Variants in IPO13 observed in about 807,000 individuals in gnomAD.
IPO13 encodes importin-13.
IPO13 carries 28 observed loss-of-function variants against 115.5 expected under a neutral mutation model. That is an observed-to-expected ratio of 0.24 (90% CI 0.18 to 0.33). The LOEUF (loss-of-function observed/expected upper bound fraction) is 0.33, where lower values mean the gene tolerates loss of function less well. Among genes scored for constraint, IPO13 ranks in the 10% least tolerant of loss-of-function variants. The pLI, the probability that IPO13 is intolerant of heterozygous loss-of-function variation, is 1.00. For missense variants in IPO13, 785 were observed against 1,204.6 expected, an observed-to-expected ratio of 0.65 and a Z score of 5.16; for synonymous variants, 414 against 478.9, an observed-to-expected ratio of 0.86 and a Z score of 1.77.
At chr1:43,960,444 A>G in intron 12 of IPO13, 115 bp downstream of exon 12, 1 of 912,582 alleles carries the variant, frequency 1.1e-6, no homozygotes. Flanking sequence ...AGGGAGGTGA[A>G]TCCTGCCCCA....
chr1:43,962,285 C>T (rs1336163677), intron 14 of IPO13, among the ~76,000 whole-genome samples: 1 of 152,206 alleles, frequency 6.6e-6, no homozygotes, highest in East Asian at 1.9e-4. Flanking sequence ...GATTCTCTCT[C>T]GGTTGGTCCA....
chr1:43,964,417 AC>A, intron 15 of IPO13, 96 bp downstream of exon 15: 1 of 1,076,082 alleles, frequency 9.3e-7, no homozygotes, highest in Non-Finnish European at 1.4e-6. Context: ...CTTTCTGTTG[AC>A]AAATTTTTTT....
chr1:43,958,443 C>T lies in IPO13; in HGVS notation c.1750-18C>T. 1 of 1,613,886 alleles carries T rather than the reference C, an allele frequency of 6.2e-7. No individual in the cohort carries two copies. On this transcript the variant is annotated intron_variant, in intron 9 of 19. Coordinates refer to ENST00000372343, the MANE Select transcript of IPO13 (RefSeq NM_014652.4). This position sits in a 1 kb window ranked among gnomAD's most constrained non-coding sequence, Gnocchi z 6.3. ...ACTAGATGTGGCCAGGACTGACCAT[C>T]CATGTTCTGCCCCACAGACAAGCCA...
Position 43,950,069 on chromosome 1 carries a change from C to T in IPO13, c.737C>T (p.Ala246Val). Reference protein sequence around the residue: ...LQDCEALIQAAFAALQDSELF... With the variant: ...LQDCEALIQAVFAALQDSELF... ...GACTGTGAGGCGCTCATTCAGGCTG[C>T]CTTTGCTGCTCTGCAGGACTCGGAG... Residue 246 changes from alanine (A) to valine (V), a missense_variant, in exon 2 of 20, where the codon GCC becomes GTC. By Grantham distance (64) the Ala-to-Val change is moderately conservative. Transcript: ENST00000372343. 2 of 1,613,860 alleles carry T rather than the reference C, an allele frequency of 1.2e-6. No individual in the cohort carries two copies. The highest frequency in any genetic ancestry group is 1.7e-6 in the Non-Finnish European group (2 of 1,179,976).
At chr1:43,955,610 T>C (rs1457530525) in intron 2 of IPO13, among the ~76,000 whole-genome samples, 1 of 152,212 alleles carries the variant, frequency 6.6e-6, no homozygotes, top group Non-Finnish European at 1.5e-5. Flanking sequence ...ATTCTCCCTG[T>C]ATGTCTCTGT....
At chr1:43,960,400 C>A in intron 12 of IPO13, 71 bp downstream of exon 12, 1 of 1,320,112 alleles carries the variant, frequency 7.6e-7, no homozygotes, top group Non-Finnish European at 1.1e-6. Context: ...GATGTTACTG[C>A]CACACTTCAG....
intron 15 of IPO13, among the ~76,000 whole-genome samples, chr1:43,965,574 A>C (rs762827956): frequency 4.0e-5 from 6 of 151,616 alleles, no homozygotes; most frequent in Non-Finnish European, 8.8e-5. Context: ...GCACAGGGGG[A>C]CTGTGGGAAG....
In IPO13 at chr1:43,949,623, G is replaced by C. The variant is rs1398856239; in HGVS notation, c.291G>C (p.Gln97His). Residue 97 changes from glutamine to histidine, a missense_variant, in exon 2 of 20, where the codon CAG becomes CAC. By Grantham distance (24) the Gln-to-His change is conservative. Around this residue, in one of 3 missense-constraint regions of IPO13, gnomAD observed 325 missense variants for 449.8 expected, o/e 0.72. Transcript: ENST00000372343. The part of the protein sequence containing the change: ...SRYWSDIPTD[Q>H]YESLKAQLFT... ...ACTGGAGTGACATCCCCACTGACCA[G>C]TATGAAAGCCTAAAGGCACAGCTCT... The C allele has an allele frequency of 6.2e-7, 1 of 1,614,238 alleles. No individual in the cohort carries two copies. Among genetic ancestry groups the C allele is most frequent in the East Asian group, 2.2e-5 (1 of 44,888 alleles).
Position 43,967,548 on chromosome 1 carries a change from G to A in IPO13, c.2796-38G>A. ...GTCAGGCAGAGAGGGGGCAGTGGTG[G>A]TGGCTGGTGCTAACCTGCTCTCCCT... On this transcript the variant is annotated intron_variant, in intron 19 of 19. Transcript: ENST00000372343. This position sits in a 1 kb window ranked among gnomAD's most constrained non-coding sequence, Gnocchi z 6.1. The A allele has an allele frequency of 1.2e-6, 2 of 1,614,116 alleles. No homozygotes were observed. The highest frequency in any genetic ancestry group is 1.7e-6 in the Non-Finnish European group (2 of 1,179,954).
chr1:43,954,992 G>A (rs900576393), intron 2 of IPO13, among the ~76,000 whole-genome samples: 1 of 152,080 alleles, frequency 6.6e-6, no homozygotes, highest in Admixed American at 6.6e-5. Flanking sequence ...ACTGTTCCCC[G>A]CTACTCACCC....
intron 2 of IPO13, chr1:43,953,267 G>C (rs1378354811): frequency 6.6e-6 from 1 of 152,224 alleles, no homozygotes; most frequent in Non-Finnish European, 1.5e-5. Context: ...CAGCAGCAGA[G>C]GAGTCCCAGC....
chr1:43,957,447 A>T lies in IPO13; in HGVS notation c.1438A>T (p.Ile480Phe). 1 of 1,614,166 alleles carries T rather than the reference A, an allele frequency of 6.2e-7. No homozygotes were observed. Among genetic ancestry groups the T allele is most frequent in the Non-Finnish European group, 8.5e-7 (1 of 1,180,014 alleles). Reference sequence around the variant, plus strand: ...CGGCTTCCAATCCATCGCAGAGACCATTGACGTCAACTATTCTGATGTGGT... The same window carrying T: ...CGGCTTCCAATCCATCGCAGAGACCTTTGACGTCAACTATTCTGATGTGGT... ...LYGFQSIAETIDVNYSDVVPG... is the reference protein window; with the variant it reads ...LYGFQSIAETFDVNYSDVVPG... The change falls in exon 7 of 20, where the codon ATT becomes TTT. Residue 480 changes from isoleucine (I) to phenylalanine (F), a missense_variant. By Grantham distance (21) the Ile-to-Phe change is conservative. This residue lies in a region of IPO13 where 175 missense variants were observed against 360.0 expected (regional missense o/e 0.49). Coordinates refer to ENST00000372343, the MANE Select transcript of IPO13 (RefSeq NM_014652.4).
chr1:43,963,795 C>T (rs1446080890), intron 14 of IPO13, among the ~76,000 whole-genome samples: 2 of 152,140 alleles, frequency 1.3e-5, no homozygotes, highest in Non-Finnish European at 2.9e-5. Flanking sequence ...TTTCTAGGGC[C>T]CTCAGATAAA....
chr1:43,947,850 G>C (rs1273153476), intron 1 of IPO13, among the ~76,000 whole-genome samples, 166 bp downstream of exon 1: 1 of 152,208 alleles, frequency 6.6e-6, no homozygotes, highest in African/African-American at 2.4e-5. Flanking sequence ...GCCCTAATGG[G>C]CTATTTTTGT....
At chr1:43,955,893 G>T (rs2085243920) in intron 2 of IPO13, among the ~76,000 whole-genome samples, 1 of 151,178 alleles carries the variant, frequency 6.6e-6, no homozygotes, top group Admixed American at 6.6e-5. Flanking sequence ...AACCTAGCTG[G>T]ATGTGGTGGC....
intron 14 of IPO13, among the ~76,000 whole-genome samples, chr1:43,963,230 G>C (rs3791118): frequency 6.6e-6 from 1 of 152,168 alleles, no homozygotes; most frequent in South Asian, 2.1e-4. Flanking sequence ...TAGGCAGATG[G>C]TTTTGTACCA....
intron 2 of IPO13, among the ~76,000 whole-genome samples, chr1:43,954,702 A>G (rs2085232534): frequency 6.6e-6 from 1 of 152,132 alleles, no homozygotes; most frequent in African/African-American, 2.4e-5. Context: ...CTTCTCCTTT[A>G]GAGATCATTG....
At position 43,967,010 on chromosome 1, in the gene IPO13, A is replaced by G. The variant is rs1224170914; in HGVS notation, c.2604A>G (p.Ala868=). 1 of 1,613,800 alleles carries G rather than the reference A, an allele frequency of 6.2e-7. No homozygotes were observed. The highest frequency in any genetic ancestry group is 8.5e-7 in the Non-Finnish European group (1 of 1,179,956). The change falls in exon 18 of 20, where the codon GCA becomes GCG. Residue 868 remains alanine, a synonymous_variant. Coordinates refer to ENST00000372343, the MANE Select transcript of IPO13 (RefSeq NM_014652.4). This position sits in a 1 kb window ranked among gnomAD's most constrained non-coding sequence, Gnocchi z 6.1. The part of the protein sequence containing the change: ...VQEDGRMLLI[A]VLEAIGGQAS... ...AAGACGGTCGTATGCTGCTCATAGC[A>G]GTGCTGGAGGTGAGACGGAGCAAAG...
In IPO13 at chr1:43,949,797, A is replaced by G. The variant is rs114449275; in HGVS notation, c.465A>G (p.Ser155=). 426 of 1,614,110 alleles carry G rather than the reference A, an allele frequency of 2.6e-4. No individual in the cohort carries two copies. The African/African-American group carries it at 5.2e-3, about 20-fold the overall frequency. ...TACGACTCTTCCAGGCTGAGGACTC[A>G]CCAGTGGATGGGCAGGGCCGCTGCC... is the stretch of plus-strand genomic sequence containing the variant. ...DMVRLFQAED[S]PVDGQGRCLA... Residue 155 remains serine (S), a synonymous_variant, in exon 2 of 20, where the codon TCA becomes TCG. Coordinates refer to ENST00000372343, the MANE Select transcript of IPO13 (RefSeq NM_014652.4).
Sources: allele counts gnomAD v4.1 joint callset (sites outside exome capture counted in the v4.1 genomes callset), GRCh38; gene constraint gnomAD v4.1.1; regional missense constraint gnomAD v4.1.1; non-coding constraint Gnocchi (gnomAD v3.1); transcripts MANE v1.5; gene names NCBI Gene and HGNC (gene_info 2026-07-23, HGNC 2026-07-21).